Variants in NRG1 observed in about 807,000 individuals in gnomAD.
The protein encoded by NRG1 is neuregulin 1, also known as pro-neuregulin-1, membrane-bound isoform.
A neutral mutation model predicts 63.8 loss-of-function variants in NRG1; 18 were observed. That is an observed-to-expected ratio of 0.28 (90% CI 0.19 to 0.42). The LOEUF is 0.42. NRG1 is among the 10% of genes least tolerant of loss of function. NRG1 has a pLI of 1.00. For missense variants in NRG1, 762 were observed against 814.7 expected (o/e 0.94, Z 0.79); for synonymous variants, 302 against 301.3 (o/e 1.00, Z -0.02).
At chr8:32,725,534 A>G (rs12056726) in intron 5 of NRG1, among the ~76,000 whole-genome samples, 42,071 of 132,540 alleles carry the variant, frequency 0.32, 9,148 homozygotes, top group African/African-American at 0.63. Context: ...TCAGTGCGGC[A>G]GTGCAATCTC....
chr8:32,691,777 A>T (rs949938480), intron 5 of NRG1, among the ~76,000 whole-genome samples: 4 of 152,220 alleles, frequency 2.6e-5, no homozygotes, highest in Admixed American at 6.5e-5. Flanking sequence ...AAATTTGTAT[A>T]TTTTTTTCCT....
Position 32,271,287 on chromosome 8 carries a change from G to A in NRG1, c.38-324541G>A, listed in dbSNP as rs182355524. Among the ~76,000 whole-genome samples, 197 of 152,160 alleles carry A rather than the reference G, an allele frequency of 1.3e-3. 3 individuals are homozygous for A. Among genetic ancestry groups the A allele is most frequent in the Non-Finnish European group, 2.1e-4 (14 of 67,998 alleles). ...ACCCTATATAGATAGGAGTTCCTTC[G>A]AGTATTTTCAAACTTGATTAACAAC... On this transcript the variant is annotated intron_variant, in intron 1 of 10. Transcript: ENST00000519301.
At chr8:32,769,570 G>A (rs1220538675), downstream of NRG1, among the ~76,000 whole-genome samples, 1 of 152,188 alleles carries the variant, frequency 6.6e-6, no homozygotes, top group Non-Finnish European at 1.5e-5. Context: ...GCTGGAAGGA[G>A]TGGAAAGTTT....
chr8:32,339,116 A>G (rs765898443), intron 1 of NRG1, among the ~76,000 whole-genome samples: 3 of 152,166 alleles, frequency 2.0e-5, no homozygotes, highest in Non-Finnish European at 4.4e-5. Flanking sequence ...AAGAATAGAA[A>G]TCATCTTTTC....
chr8:32,007,643 C>T (rs138376230), intron 1 of NRG1, among the ~76,000 whole-genome samples: 197 of 152,160 alleles, frequency 1.3e-3, no homozygotes, highest in Middle Eastern at 6.8e-3. Flanking sequence ...AGTCGATCCA[C>T]ATCTCTTGAT....
At chr8:32,132,597 G>A (rs1418237798) in intron 1 of NRG1, among the ~76,000 whole-genome samples, 5 of 152,052 alleles carry the variant, frequency 3.3e-5, no homozygotes, top group Non-Finnish European at 7.4e-5. Flanking sequence ...GCTAAGTCCT[G>A]TCTTGATTCT....
chr8:31,686,879 T>C (rs751804756), intron 1 of NRG1, among the ~76,000 whole-genome samples: 14 of 152,140 alleles, frequency 9.2e-5, no homozygotes, highest in Non-Finnish European at 1.6e-4. Flanking sequence ...ACGATTTCTC[T>C]GTCTCAGCCT....
At chr8:32,158,361 G>T (rs1024141208) in intron 1 of NRG1, among the ~76,000 whole-genome samples, 3 of 149,182 alleles carry the variant, frequency 2.0e-5, no homozygotes, top group Admixed American at 6.8e-5. Context: ...TTTAAAAAAA[G>T]ATTAAAATAA....
intron 1 of NRG1, among the ~76,000 whole-genome samples, chr8:31,719,558 A>G (rs1263788799): frequency 6.6e-6 from 1 of 152,224 alleles, no homozygotes; most frequent in Admixed American, 6.5e-5. Context: ...CTGACATCTT[A>G]GAACACCTCA....
intron 1 of NRG1, among the ~76,000 whole-genome samples, chr8:32,058,014 C>G (rs1480983247): frequency 1.3e-5 from 2 of 150,532 alleles, no homozygotes; most frequent in African/African-American, 4.9e-5. Context: ...CTAGCATTAA[C>G]AAAAGACAAA....
intron 1 of NRG1, among the ~76,000 whole-genome samples, chr8:32,346,823 A>T (rs547091835): frequency 2.3e-4 from 35 of 151,402 alleles, no homozygotes; most frequent in Non-Finnish European, 4.6e-4. Flanking sequence ...CACCTCAAGC[A>T]TTTATCTTAT....
chr8:31,684,461 G>A (rs894578627), intron 1 of NRG1, among the ~76,000 whole-genome samples: 2 of 152,146 alleles, frequency 1.3e-5, no homozygotes, highest in African/African-American at 4.8e-5. Context: ...CCTTGATCTT[G>A]GACCTCGCAG....
At chr8:32,309,360 T>C (rs1856566686) in intron 1 of NRG1, among the ~76,000 whole-genome samples, 1 of 152,168 alleles carries the variant, frequency 6.6e-6, no homozygotes, top group Non-Finnish European at 1.5e-5. Flanking sequence ...GAAAATGTAC[T>C]GCCCTGGCCA....
At chr8:32,051,561 A>C (rs2130813113) in intron 1 of NRG1, among the ~76,000 whole-genome samples, 1 of 152,332 alleles carries the variant, frequency 6.6e-6, no homozygotes, top group African/African-American at 2.4e-5. Context: ...GTGGGGAAGA[A>C]AGGGTAAGGA....
intron 1 of NRG1, among the ~76,000 whole-genome samples, chr8:31,878,220 T>G (rs1254812120): frequency 6.6e-6 from 1 of 152,204 alleles, no homozygotes; most frequent in East Asian, 1.9e-4. Context: ...TTTTTTCTAT[T>G]GCTATATATG....
chr8:32,097,839 A>G (rs1277305933), intron 1 of NRG1, among the ~76,000 whole-genome samples: 1 of 152,222 alleles, frequency 6.6e-6, no homozygotes, highest in Non-Finnish European at 1.5e-5. Context: ...TTTTGGAAAA[A>G]GGTGAAAATG....
chr8:32,720,629 A>C (rs1820379573), intron 5 of NRG1, among the ~76,000 whole-genome samples: 1 of 152,304 alleles, frequency 6.6e-6, no homozygotes, highest in South Asian at 2.1e-4. Flanking sequence ...GAAGAAGAAA[A>C]TGTAGCTTTC....
intron 1 of NRG1, among the ~76,000 whole-genome samples, chr8:31,977,719 T>A (rs1227254644): frequency 1.3e-5 from 2 of 152,140 alleles, no homozygotes; most frequent in Non-Finnish European, 2.9e-5. Context: ...ACAACTATGA[T>A]GCTAATTAGG....
At chr8:31,932,602 C>T (rs566183454) in intron 1 of NRG1, among the ~76,000 whole-genome samples, 1 of 152,276 alleles carries the variant, frequency 6.6e-6, no homozygotes, top group African/African-American at 2.4e-5. Context: ...TTGAAAAGTT[C>T]TGCTCATCAA....
Sources: gnomAD v4.1 joint callset for allele counts (sites outside exome capture counted in the v4.1 genomes callset) on GRCh38, gnomAD v4.1.1 for gene constraint, MANE v1.5 for transcripts, NCBI Gene and HGNC (gene_info 2026-07-23, HGNC 2026-07-21) for gene names.